The following AGMO variants were observed in gnomAD, a reference collection of about 807,000 sequenced individuals.
AGMO encodes the protein glyceryl-ether monooxygenase.
Under a neutral mutation model 60.2 loss-of-function variants are expected in AGMO, and 75 were observed. The observed-to-expected ratio is 1.25, with a 90% CI of 1.03 to 1.51. The LOEUF (loss-of-function observed/expected upper bound fraction) is 1.51, where lower values mean the gene tolerates loss of function less well. AGMO is among the 40% of genes most tolerant of loss of function. AGMO has a pLI of 0.00. For missense variants in AGMO, 763 were observed against 525.5 expected (o/e 1.45, Z -4.42); for synonymous variants, 261 against 177.1 (o/e 1.47, Z -3.76).
At chr7:15,325,374 CATA>C (rs1340990190) in intron 12 of AGMO, among the ~76,000 whole-genome samples, 1 of 151,982 alleles carries the variant, frequency 6.6e-6, no homozygotes, top group Admixed American at 6.6e-5. Flanking sequence ...AAATTTAATA[CATA>C]ATATTATCTG....
At chr7:15,414,232 C>G (rs1028700380) in intron 5 of AGMO, among the ~76,000 whole-genome samples, 1 of 152,016 alleles carries the variant, frequency 6.6e-6, no homozygotes, top group Non-Finnish European at 1.5e-5. Context: ...ATCTCCTGAC[C>G]TCATGATCCA....
the AGMO span, among the ~76,000 whole-genome samples, chr7:15,117,269 G>A: frequency 6.6e-6 from 1 of 151,972 alleles, no homozygotes; most frequent in Non-Finnish European, 1.5e-5. Flanking sequence ...CCAAGGCTTG[G>A]GGATGATAGG....
At position 15,289,999 on chromosome 7, in the gene AGMO, T is replaced by G. The variant is rs1784214412; in HGVS notation, c.1263+75515A>C. Among the ~76,000 whole-genome samples, 3 of 127,994 alleles carry G rather than the reference T, an allele frequency of 2.3e-5. No individual in the cohort carries two copies. The South Asian group carries it at 7.6e-4, about 33-fold the overall frequency. The allele number at this position is 127,994 out of a possible 152,430, so 84.0% of individuals were successfully genotyped here. A position where few individuals can be genotyped will look rare whatever the true frequency, so the allele number is the denominator to read the frequency against. ...TGGAGTCTCGCTATGTTGCCCAGGA[T>G]GGACAGTGCAGTCTTTGGTCCACCT... On this transcript the variant is annotated intron_variant, in intron 12 of 12. Transcript: ENST00000342526.
intron 12 of AGMO, among the ~76,000 whole-genome samples, chr7:15,329,200 G>C (rs1306492864): frequency 6.6e-6 from 1 of 152,072 alleles, no homozygotes; most frequent in Admixed American, 6.6e-5. Context: ...CAGGGGCTTC[G>C]ATATTCGTCT....
At chr7:15,275,118 T>A (rs2128515988) in intron 12 of AGMO, among the ~76,000 whole-genome samples, 1 of 152,242 alleles carries the variant, frequency 6.6e-6, no homozygotes, top group African/African-American at 2.4e-5. Flanking sequence ...GATTTCACAG[T>A]TTCTGGAGGT....
chr7:15,209,955 C>G (rs1295169660), intron 12 of AGMO, among the ~76,000 whole-genome samples: 1 of 152,094 alleles, frequency 6.6e-6, no homozygotes, highest in African/African-American at 2.4e-5. Context: ...TATATTTTCT[C>G]CTTTCAAGCT....
chr7:15,375,811 C>T (rs887533614), intron 10 of AGMO, among the ~76,000 whole-genome samples: 9 of 152,148 alleles, frequency 5.9e-5, no homozygotes, highest in African/African-American at 2.2e-4. Flanking sequence ...CTTAACAAAT[C>T]TAAGTGAGGT....
At chr7:15,384,774 AATG>A (rs1783844648) in intron 10 of AGMO, among the ~76,000 whole-genome samples, 1 of 150,892 alleles carries the variant, frequency 6.6e-6, no homozygotes. Context: ...GTAAATTTTT[AATG>A]AAGAATACAA....
chr7:15,149,530 T>C, the AGMO span, among the ~76,000 whole-genome samples: 1 of 152,126 alleles, frequency 6.6e-6, no homozygotes, highest in African/African-American at 2.4e-5. Context: ...AATCTGCATA[T>C]GTTTAGCTAG....
chr7:15,322,390 A>G (rs1009605705), intron 12 of AGMO, among the ~76,000 whole-genome samples: 67 of 140,028 alleles, frequency 4.8e-4, no homozygotes, highest in African/African-American at 1.7e-3. Flanking sequence ...AAAATAAGTT[A>G]CCAAAACTGA....
At chr7:15,318,284 G>A (rs886564072) in intron 12 of AGMO, among the ~76,000 whole-genome samples, 2 of 152,028 alleles carry the variant, frequency 1.3e-5, no homozygotes, top group Non-Finnish European at 2.9e-5. Context: ...AATTACAGGC[G>A]AGAATCACTG....
intron 12 of AGMO, among the ~76,000 whole-genome samples, chr7:15,364,598 T>G (rs1278676462): frequency 6.6e-6 from 1 of 152,026 alleles, no homozygotes; most frequent in Non-Finnish European, 1.5e-5. Flanking sequence ...ATACACCGAT[T>G]CGCGTGTGTG....
chr7:15,468,824 G>A (rs917968617), intron 3 of AGMO, among the ~76,000 whole-genome samples: 15 of 151,992 alleles, frequency 9.9e-5, no homozygotes, highest in Non-Finnish European at 1.8e-4. Context: ...GGGCAGAGAT[G>A]GATGATTTTA....
chr7:15,138,667 C>A, the AGMO span, among the ~76,000 whole-genome samples: 17 of 152,138 alleles, frequency 1.1e-4, no homozygotes, highest in African/African-American at 3.9e-4. Context: ...TTTCTAAACA[C>A]CAATGTTTCA....
chr7:15,515,784 T>A (rs1479940133), intron 3 of AGMO, among the ~76,000 whole-genome samples: 1 of 152,210 alleles, frequency 6.6e-6, no homozygotes, highest in Non-Finnish European at 1.5e-5. Flanking sequence ...AGCAATGAAG[T>A]CATTTTGTTA....
At chr7:15,427,925 T>G (rs190916031) in intron 4 of AGMO, among the ~76,000 whole-genome samples, 1 of 149,036 alleles carries the variant, frequency 6.7e-6, no homozygotes, top group African/African-American at 2.5e-5. Flanking sequence ...TGAATTCTTA[T>G]GTGTAACTTC....
intron 12 of AGMO, among the ~76,000 whole-genome samples, chr7:15,218,244 T>C (rs1054989505): frequency 6.6e-6 from 1 of 152,090 alleles, no homozygotes; most frequent in Non-Finnish European, 1.5e-5. Flanking sequence ...AAGGCTGCTA[T>C]ATTAAGGATA....
At chr7:15,301,302 G>T (rs1170179719) in intron 12 of AGMO, among the ~76,000 whole-genome samples, 1 of 152,118 alleles carries the variant, frequency 6.6e-6, no homozygotes, top group African/African-American at 2.4e-5. Context: ...AGCTAGGTGT[G>T]GTGGCACATG....
chr7:15,119,041 T>G, the AGMO span, among the ~76,000 whole-genome samples: 4 of 151,680 alleles, frequency 2.6e-5, no homozygotes, highest in South Asian at 8.3e-4. Flanking sequence ...AGTGGAAAAT[T>G]GATTGATATT....
Sources: gnomAD v4.1 joint callset for allele counts (sites outside exome capture counted in the v4.1 genomes callset) on GRCh38, gnomAD v4.1.1 for gene constraint, MANE v1.5 for transcripts, NCBI Gene and HGNC (gene_info 2026-07-23, HGNC 2026-07-21) for gene names.